Variants in POLA1 observed in about 807,000 individuals in gnomAD.
POLA1 encodes DNA polymerase alpha 1, catalytic subunit.
A neutral mutation model predicts 124.0 loss-of-function variants in POLA1; 15 were observed. That is an observed-to-expected ratio of 0.12 (90% CI 0.08 to 0.19). The LOEUF is 0.19. Ranked by LOEUF, POLA1 falls within the 10% of genes least tolerant of loss-of-function variation. POLA1 has a pLI of 1.00. For synonymous variants in POLA1, 408 were observed against 389.4 expected (o/e 1.05, Z -0.56); for missense variants, 886 against 1,103.4 (o/e 0.80, Z 2.79).
Position 24,930,324 on chromosome X carries a change from T to TA in POLA1, c.4165-128dup, listed in dbSNP as rs2047756310. The TA allele has an allele frequency of 3.1e-5, 15 of 486,168 alleles. No homozygotes were observed. The South Asian group carries it at 4.6e-4, about 15-fold the overall frequency. The allele number at this position is 486,168 out of a possible 1,213,427, so 40.1% of individuals were successfully genotyped here. A position where few individuals can be genotyped will look rare whatever the true frequency, so the allele number is the denominator to read the frequency against. On this transcript the variant is annotated intron_variant, in intron 35 of 36. Transcript: ENST00000379068. ...ACCATTAGTATGATTCTGCCCTTCT[T>TA]ACCCACTTTCTTTAAAAAATGCTGC...
At chrX:24,794,811 A>G (rs1441013636) in intron 26 of POLA1, among the ~76,000 whole-genome samples, 1 of 111,029 alleles carries the variant, frequency 9.0e-6, no homozygotes, top group Non-Finnish European at 1.9e-5. Flanking sequence ...ATCTAAACAA[A>G]TGGCTTCAAC....
At chrX:24,914,274 G>T (rs1363631108) in intron 35 of POLA1, among the ~76,000 whole-genome samples, 1 of 110,000 alleles carries the variant, frequency 9.1e-6, no homozygotes, top group Non-Finnish European at 1.9e-5. Context: ...AATTTCTGTG[G>T]CCTGATAAGA....
intron 35 of POLA1, among the ~76,000 whole-genome samples, chrX:24,917,241 G>A (rs2047546593): frequency 9.2e-6 from 1 of 108,536 alleles, no homozygotes. Context: ...AGCCGAGATT[G>A]CACCACTGCA....
chrX:24,712,924 G>A (rs1274314374), intron 4 of POLA1, among the ~76,000 whole-genome samples: 3 of 111,121 alleles, frequency 2.7e-5, no homozygotes, highest in Non-Finnish European at 3.8e-5. Flanking sequence ...GTTTCATTTG[G>A]TCTATTTGTA....
Position 24,742,160 on chromosome X carries a change from C to CG in POLA1, c.2466+39_2466+40insG, listed in dbSNP as rs762820527. 3.5e-5 allele frequency: 3 copies of CG among 86,028 alleles called. No individual in the cohort carries two copies. The East Asian group carries it at 9.9e-4, about 28-fold the overall frequency. 7.1% of individuals were successfully genotyped at this position (86,028 alleles called of 1,213,427 possible). A position where few individuals can be genotyped will look rare whatever the true frequency, so the allele number is the denominator to read the frequency against. ...TGTGTAGTATTTTGTTTTCTCTTAA[C>CG]CCCCCCCCCCCTTTTAATACCTAGA... On this transcript the variant is annotated intron_variant, in intron 22 of 36. Transcript: ENST00000379068.
At chrX:24,914,893 G>A (rs2047508231) in intron 35 of POLA1, among the ~76,000 whole-genome samples, 1 of 111,618 alleles carries the variant, frequency 9.0e-6, no homozygotes, top group Admixed American at 9.5e-5. Context: ...GTGGGTTAAG[G>A]GAGATTATTT....
chrX:24,782,165 C>T (rs754605251), intron 26 of POLA1, among the ~76,000 whole-genome samples: 3 of 111,836 alleles, frequency 2.7e-5, no homozygotes, highest in Admixed American at 9.4e-5. Context: ...CTGGTGAGGT[C>T]GAACTGAGAG....
chrX:24,694,967 G>A (rs1231220382), intron 1 of POLA1, among the ~76,000 whole-genome samples: 2 of 112,074 alleles, frequency 1.8e-5, no homozygotes, highest in Non-Finnish European at 3.8e-5. Flanking sequence ...ATAGGATGTT[G>A]GGTGTAAGTA....
intron 36 of POLA1, among the ~76,000 whole-genome samples, chrX:24,939,632 T>G (rs2047890043): frequency 8.9e-6 from 1 of 111,849 alleles, no homozygotes. Flanking sequence ...ATGGTTAGTC[T>G]TCTTAGTCAT....
At chrX:24,770,805 G>T (rs1431366448) in intron 26 of POLA1, among the ~76,000 whole-genome samples, 1 of 110,160 alleles carries the variant, frequency 9.1e-6, no homozygotes, top group Non-Finnish European at 1.9e-5. Context: ...CACATAACTG[G>T]TACTCAATAA....
At chrX:24,756,299 C>T (rs1194327335) in intron 26 of POLA1, among the ~76,000 whole-genome samples, 1 of 110,953 alleles carries the variant, frequency 9.0e-6, no homozygotes, top group African/African-American at 3.3e-5. Context: ...CGGTGGCTCA[C>T]ACCTGTAATC....
chrX:24,728,925 A>G (rs1185646674), intron 15 of POLA1, among the ~76,000 whole-genome samples: 1 of 112,257 alleles, frequency 8.9e-6, no homozygotes, highest in Admixed American at 9.5e-5. Context: ...TCCGCATACT[A>G]TAAGTGAGCT....
chrX:24,969,901 A>G (rs1405771553), intron 36 of POLA1, among the ~76,000 whole-genome samples: 2 of 111,564 alleles, frequency 1.8e-5, no homozygotes, highest in Non-Finnish European at 3.8e-5. Context: ...GCTCCCACTT[A>G]AAAGTGAGAA....
rs1192692539 is a variant in POLA1 at position 24,978,816 on chromosome X, A to C, written c.4262-16989A>C. Among the ~76,000 whole-genome samples, 7 of 112,293 alleles carry C rather than the reference A, an allele frequency of 6.2e-5. No individual in the cohort carries two copies. In the Admixed American group the frequency reaches 6.6e-4, roughly 11 times the overall value. On this transcript the variant is annotated intron_variant, in intron 36 of 36. Transcript: ENST00000379068. ...ATGAATAACTAAAGATGATGTCCCC[A>C]ACTTTGTTAGAGATATCCCCAAACT... is the stretch of plus-strand genomic sequence containing the variant.
intron 34 of POLA1, among the ~76,000 whole-genome samples, chrX:24,875,257 G>T (rs1360843620): frequency 9.0e-6 from 1 of 111,703 alleles, no homozygotes; most frequent in Non-Finnish European, 1.9e-5. Flanking sequence ...ATATTTATAT[G>T]TAAGGGTTTC....
At chrX:24,739,614 T>C in intron 20 of POLA1, 64 bp downstream of exon 20, 1 of 691,539 alleles carries the variant, frequency 1.4e-6, no homozygotes, top group Non-Finnish European at 2.2e-6. Context: ...ACACTACTAG[T>C]ACTATCCTTA....
At chrX:24,970,372 T>C (rs1379622953) in intron 36 of POLA1, among the ~76,000 whole-genome samples, 1 of 111,812 alleles carries the variant, frequency 8.9e-6, no homozygotes, top group Non-Finnish European at 1.9e-5. Flanking sequence ...ACCTAGGCAA[T>C]ACCATCCTGG....
intron 26 of POLA1, among the ~76,000 whole-genome samples, chrX:24,757,017 T>C (rs1438424522): frequency 9.0e-6 from 1 of 111,109 alleles, no homozygotes. Context: ...TTTTTTTTAA[T>C]ATGAGAATTT....
chrX:24,810,276 AAG>A (rs2045876771), intron 27 of POLA1, among the ~76,000 whole-genome samples: 3 of 111,865 alleles, frequency 2.7e-5, no homozygotes, highest in Non-Finnish European at 5.6e-5. Context: ...CAACTGTATT[AAG>A]AATTTAATAT....
Sources: allele counts gnomAD v4.1 joint callset (sites outside exome capture counted in the v4.1 genomes callset), GRCh38; gene constraint gnomAD v4.1.1; transcripts MANE v1.5; gene names NCBI Gene and HGNC (gene_info 2026-07-23, HGNC 2026-07-21).